Variants in SLC5A9 observed in about 807,000 individuals in gnomAD.
The protein encoded by SLC5A9 is sodium/glucose cotransporter 4.
A neutral mutation model predicts 70.9 loss-of-function variants in SLC5A9; 59 were observed. The observed-to-expected ratio is 0.83, with a 90% CI of 0.68 to 1.03. The LOEUF (loss-of-function observed/expected upper bound fraction) is 1.03, where lower values mean the gene tolerates loss of function less well. Ranked by LOEUF, SLC5A9 falls within the 50% of genes least tolerant of loss-of-function variation. The pLI is 0.00. For missense variants in SLC5A9, 832 were observed against 881.1 expected (o/e 0.94, Z 0.71); for synonymous variants, 340 against 346.5 (o/e 0.98, Z 0.21).
rs1292539948 is a variant in SLC5A9 at position 48,232,027 on chromosome 1, C to A, written c.773C>A (p.Thr258Asn). Residue 258 changes from threonine to asparagine, a missense_variant, in exon 7 of 14, where the codon ACC becomes AAC. Transcript: ENST00000438567. The part of the protein sequence containing the change: ...AIPNVTVPNT[T>N]CHLPRPDAFH... ...CCTAATGTCACAGTCCCCAACACCA[C>A]CTGTCACCTCCCACGGCCCGATGCT... The A allele has an allele frequency of 5.6e-6, 9 of 1,614,078 alleles. No individual in the cohort carries two copies. Among genetic ancestry groups the A allele is most frequent in the African/African-American group, 1.3e-5 (1 of 74,934 alleles).
chr1:48,231,638 C>T lies in SLC5A9; in HGVS notation c.691+13C>T. The stretch of plus-strand genomic sequence containing the variant: ...CTCATGTTTCTGGGTAAGGAAGAGA[C>T]CTAAATATACCCCACTGTCATTCTT... On this transcript the variant is annotated intron_variant, in intron 6 of 13. Coordinates refer to ENST00000438567, the MANE Select transcript of SLC5A9 (RefSeq NM_001011547.3). 1 of 1,613,878 alleles carries T rather than the reference C, an allele frequency of 6.2e-7. No homozygotes were observed. Among genetic ancestry groups the T allele is most frequent in the Non-Finnish European group, 8.5e-7 (1 of 1,179,882 alleles).
At chr1:48,243,098 C>G (rs1557484588) in intron 13 of SLC5A9, among the ~76,000 whole-genome samples, 1 of 152,140 alleles carries the variant, frequency 6.6e-6, no homozygotes. Flanking sequence ...AAGAATGTTA[C>G]ACCCACGGTG....
rs368203240 is a variant in SLC5A9 at position 48,233,884 on chromosome 1, C to T, written c.1141+122C>T. 2.3e-5 allele frequency: 17 copies of T among 725,874 alleles called. No individual in the cohort carries two copies. The African/African-American group carries it at 2.8e-4, about 12-fold the overall frequency. 45.0% of individuals were successfully genotyped at this position (725,874 alleles called of 1,614,324 possible). ...GGGAAGAAAACTATTCACCTCTGCA[C>T]CCCCATCCCAACACATACACACACG... is the stretch of plus-strand genomic sequence containing the variant. On this transcript the variant is annotated intron_variant, in intron 9 of 13. Coordinates refer to ENST00000438567, the MANE Select transcript of SLC5A9 (RefSeq NM_001011547.3).
Position 48,242,386 on chromosome 1 carries a change from A to G in SLC5A9, c.1678-71A>G, listed in dbSNP as rs75324786. The G allele has an allele frequency of 0.015, 22,302 of 1,503,790 alleles. 965 individuals carry two copies. In the East Asian group the frequency reaches 0.18, roughly 12 times the overall value. 93.2% of individuals were successfully genotyped at this position (1,503,790 alleles called of 1,614,324 possible). ...CTTTTGCTCAGATGGCCTTCCATAA[A>G]TGGGCCTCTGTTCTTCTACAGCATG... is the stretch of plus-strand genomic sequence containing the variant. On this transcript the variant is annotated intron_variant, in intron 12 of 13. Transcript: ENST00000438567.
At chr1:48,226,132 T>G (rs1056673519) in intron 2 of SLC5A9, among the ~76,000 whole-genome samples, 1 of 152,050 alleles carries the variant, frequency 6.6e-6, no homozygotes, top group African/African-American at 2.4e-5. Flanking sequence ...TCAGGAACAG[T>G]GGCGGGGTCA....
At chr1:48,233,608 A>C (rs753044269) in intron 8 of SLC5A9, 47 bp from the exon 9 acceptor site, 3 of 1,489,994 alleles carry the variant, frequency 2.0e-6, no homozygotes, top group Non-Finnish European at 2.8e-6. Flanking sequence ...GGCCAACCTG[A>C]GAAGGCACGA....
In SLC5A9 at chr1:48,244,029, C is replaced by T. The variant is rs368277430; in HGVS notation, c.1837+1413C>T. ...AAAATGTCAATAACGTAGTAATATT[C>T]GGCTTTTAAACACAATGGTATGTCA... On this transcript the variant is annotated intron_variant, in intron 13 of 13. Coordinates refer to ENST00000438567, the MANE Select transcript of SLC5A9 (RefSeq NM_001011547.3). Among the ~76,000 whole-genome samples the T allele has an allele frequency of 1.7e-4, 26 of 152,216 alleles. No individual in the cohort carries two copies. In the South Asian group the frequency reaches 3.9e-3, roughly 23 times the overall value.
intron 3 of SLC5A9, 33 bp from the exon 4 acceptor site, chr1:48,229,262 C>T: frequency 6.2e-7 from 1 of 1,614,110 alleles, no homozygotes; most frequent in Non-Finnish European, 8.5e-7. Flanking sequence ...CATCCAGGAC[C>T]TGGATACCTT....
chr1:48,242,662 G>T, intron 13 of SLC5A9, 46 bp downstream of exon 13: 1 of 1,541,364 alleles, frequency 6.5e-7, no homozygotes, highest in Non-Finnish European at 8.8e-7. Context: ...AGGAACAGGG[G>T]GGACAGACCT....
Position 48,229,454 on chromosome 1 carries a change from A to G in SLC5A9, c.499A>G (p.Ile167Val). 1 of 1,613,892 alleles carries G rather than the reference A, an allele frequency of 6.2e-7. No individual in the cohort carries two copies. The change falls in exon 4 of 14, where the codon ATC becomes GTC. Residue 167 changes from isoleucine (I) to valine (V), a missense_variant. Coordinates refer to ENST00000438567, the MANE Select transcript of SLC5A9 (RefSeq NM_001011547.3). ...TCTCATCCTCTACATCTTCACCAAG[A>G]TCTCGGTAGGTGTCACTGCAATGTG... ...LSLILYIFTK[I>V]STDIFSGALF...
At position 48,248,558 on chromosome 1, in the gene SLC5A9, G is replaced by A. The variant is rs1042780990; in HGVS notation, c.*1015G>A. 14 of 152,324 alleles carry A rather than the reference G, an allele frequency of 9.2e-5. No homozygotes were observed. Among genetic ancestry groups the A allele is most frequent in the African/African-American group, 3.1e-4 (13 of 41,446 alleles). 9.4% of individuals were successfully genotyped at this position (152,324 alleles called of 1,614,324 possible). A position where few individuals can be genotyped will look rare whatever the true frequency, so the allele number is the denominator to read the frequency against. Reference sequence around the variant, plus strand: ...ATCACACTGAGATGGAAGACTCCAGGGGGCAAGGACCAAGGGCCATATCCC... The same window carrying A: ...ATCACACTGAGATGGAAGACTCCAGAGGGCAAGGACCAAGGGCCATATCCC... On this transcript the variant is annotated 3_prime_UTR_variant, in exon 14 of 14. Transcript: ENST00000438567.
Position 48,247,396 on chromosome 1 carries a change from G to A in SLC5A9, c.1899G>A (p.Pro633=), listed in dbSNP as rs534802007. The change falls in exon 14 of 14, where the codon CCG becomes CCA. Residue 633 remains proline (P), a synonymous_variant. Transcript: ENST00000438567. The part of the protein sequence containing the change: ...WSWFCGLSGT[P]EQALSPAEKA... ...GGTTCTGTGGGCTCTCTGGAACACC[G>A]GAGCAGGCCCTGAGCCCAGCAGAGA... The A allele has an allele frequency of 2.0e-5, 33 of 1,614,016 alleles. No homozygotes were observed. The African/African-American group carries it at 2.5e-4, about 12-fold the overall frequency.
At chr1:48,235,595 C>A in intron 9 of SLC5A9, 134 bp from the exon 10 acceptor site, 1 of 991,404 alleles carries the variant, frequency 1.0e-6, no homozygotes, top group Non-Finnish European at 1.5e-6. Context: ...TGGATGGGAG[C>A]CTCATCCAAC....
At chr1:48,237,645 A>C in intron 10 of SLC5A9, 34 bp from the exon 11 acceptor site, 1 of 1,607,124 alleles carries the variant, frequency 6.2e-7, no homozygotes, top group East Asian at 2.2e-5. Context: ...TGCCCACCCG[A>C]GTGTGCCTCA....
At chr1:48,244,910 A>ATATATATATATATATATATATATATAT (rs56780309) in intron 13 of SLC5A9, among the ~76,000 whole-genome samples, 1 of 110,632 alleles carries the variant, frequency 9.0e-6, no homozygotes, top group Non-Finnish European at 1.8e-5. Flanking sequence ...ATATATATAT[A>ATATATATATATATATATATATATATAT]AAACCTCTGT....
rs1205246398 is a variant in SLC5A9 at position 48,235,784 on chromosome 1, C to G, written c.1197C>G (p.Thr399=). The G allele has an allele frequency of 3.1e-6, 5 of 1,614,106 alleles. No homozygotes were observed. Among genetic ancestry groups the G allele is most frequent in the Non-Finnish European group, 4.2e-6 (5 of 1,180,052 alleles). Residue 399 remains threonine, a synonymous_variant, in exon 10 of 14, where the codon ACC becomes ACG. Coordinates refer to ENST00000438567, the MANE Select transcript of SLC5A9 (RefSeq NM_001011547.3). ...TGGCCGCTCTCATGAGCTCACTCAC[C>G]TCCATCTTCAACAGCAGCAGCACCC... The part of the protein sequence containing the change: ...VIMAALMSSL[T]SIFNSSSTLF...
chr1:48,235,818 A>G lies in SLC5A9; in HGVS notation c.1231A>G (p.Ile411Val). 3 of 1,614,150 alleles carry G rather than the reference A, an allele frequency of 1.9e-6. No individual in the cohort carries two copies. The highest frequency in any genetic ancestry group is 2.5e-6 in the Non-Finnish European group (3 of 1,180,030). ...IFNSSSTLFT[I>V]DVWQRFRRKS... is the part of the protein sequence containing the mutation. Reference sequence around the variant, plus strand: ...CAACAGCAGCAGCACCCTGTTCACCATTGATGTGTGGCAGCGCTTCCGCAG... The same window carrying G: ...CAACAGCAGCAGCACCCTGTTCACCGTTGATGTGTGGCAGCGCTTCCGCAG... The change falls in exon 10 of 14, where the codon ATT becomes GTT. Residue 411 changes from isoleucine (I) to valine (V), a missense_variant. Transcript: ENST00000438567.
chr1:48,247,373 T>A lies in SLC5A9; in HGVS notation c.1876T>A (p.Phe626Ile). The change falls in exon 14 of 14, where the codon TTC becomes ATC. Residue 626 changes from phenylalanine (F) to isoleucine (I), a missense_variant. By Grantham distance (21) the Phe-to-Ile change is conservative. Coordinates refer to ENST00000438567, the MANE Select transcript of SLC5A9 (RefSeq NM_001011547.3). ...CTGGGGAAAGTTGCTCTGGAGCTGGTTCTGTGGGCTCTCTGGAACACCGGA... is the reference window on the plus strand; with the variant it reads ...CTGGGGAAAGTTGCTCTGGAGCTGGATCTGTGGGCTCTCTGGAACACCGGA... ...RSWGKLLWSW[F>I]CGLSGTPEQA... The A allele has an allele frequency of 6.2e-7, 1 of 1,614,066 alleles. No homozygotes were observed. The highest frequency in any genetic ancestry group is 8.5e-7 in the Non-Finnish European group (1 of 1,180,010).
intron 12 of SLC5A9, among the ~76,000 whole-genome samples, chr1:48,241,735 T>C (rs1644393298): frequency 6.6e-6 from 1 of 152,088 alleles, no homozygotes. Flanking sequence ...TCTTTCTCTA[T>C]CTCTTTCTCT....
Sources: gnomAD v4.1 joint callset for allele counts (sites outside exome capture counted in the v4.1 genomes callset) on GRCh38, gnomAD v4.1.1 for gene constraint, MANE v1.5 for transcripts, NCBI Gene and HGNC (gene_info 2026-07-23, HGNC 2026-07-21) for gene names.